SAMMSON: variants seen among roughly 807,000 people sequenced by gnomAD.
SAMMSON encodes long intergenic non-protein coding RNA 1212.
chr3:70,203,105 A>C (rs1701257534), intron 4 of SAMMSON, among the ~76,000 whole-genome samples: 1 of 152,100 alleles, frequency 6.6e-6, no homozygotes, highest in Admixed American at 6.6e-5. Context: ...CCTTATCCTA[A>C]GTGGCAAGAA....
At position 70,293,091 on chromosome 3, in the gene SAMMSON, G is replaced by T. The variant is rs187125507; in HGVS notation, n.739+1848G>T. On this transcript the variant is annotated intron_variant and non_coding_transcript_variant, in intron 7 of 9. Transcript: ENST00000642114. ...AAAAAAGTAGCATATTACATGACGAGAAGAAAGAAAATTCAGTATTCACCA... is the reference window on the plus strand; with the variant it reads ...AAAAAAGTAGCATATTACATGACGATAAGAAAGAAAATTCAGTATTCACCA... 1.9e-3 allele frequency among the ~76,000 whole-genome samples: 259 copies of T among 134,916 alleles called. 1 individual carries two copies. Among genetic ancestry groups the T allele is most frequent in the African/African-American group, 6.8e-3 (249 of 36,754 alleles). The allele number at this position is 134,916 out of a possible 152,430, so 88.5% of individuals were successfully genotyped here. A position where few individuals can be genotyped will look rare whatever the true frequency, so the allele number is the denominator to read the frequency against.
intron 3 of SAMMSON, among the ~76,000 whole-genome samples, chr3:70,022,205 A>G (rs566071511): frequency 6.6e-6 from 1 of 150,658 alleles, no homozygotes; most frequent in African/African-American, 2.4e-5. Context: ...CAGGGGATTC[A>G]AATGACAACG....
intron 4 of SAMMSON, among the ~76,000 whole-genome samples, chr3:70,187,442 T>C: frequency 7.2e-6 from 1 of 138,148 alleles, no homozygotes; most frequent in Non-Finnish European, 1.6e-5. Context: ...TTTTTTTTTT[T>C]TTTTTTTTTT....
chr3:70,403,611 C>A (rs1293929684), intron 2 of SAMMSON, among the ~76,000 whole-genome samples: 1 of 152,100 alleles, frequency 6.6e-6, no homozygotes, highest in African/African-American at 2.4e-5. Context: ...TTCTATGGCC[C>A]CTTTCACACT....
intron 9 of SAMMSON, among the ~76,000 whole-genome samples, chr3:70,360,233 C>T (rs1265572812): frequency 1.3e-5 from 2 of 152,054 alleles, no homozygotes; most frequent in Non-Finnish European, 2.9e-5. Flanking sequence ...CATTCTTATG[C>T]CTCATATGGA....
chr3:70,172,607 T>C (rs1352146719), intron 4 of SAMMSON: 1 of 151,880 alleles, frequency 6.6e-6, no homozygotes, highest in African/African-American at 2.4e-5. Context: ...TAGCTGCAAG[T>C]AAGAACACTC....
intron 4 of SAMMSON, among the ~76,000 whole-genome samples, chr3:70,159,327 C>T (rs1041185433): frequency 6.7e-6 from 1 of 149,692 alleles, no homozygotes; most frequent in Admixed American, 6.7e-5. Context: ...CCTCCCCCAT[C>T]CCCCCACCCC....
chr3:70,272,187 A>T (rs1701981975), intron 6 of SAMMSON: 1 of 152,190 alleles, frequency 6.6e-6, no homozygotes, highest in South Asian at 2.1e-4. Context: ...CCCATTCCAA[A>T]TGCATAGTGG....
intron 4 of SAMMSON, among the ~76,000 whole-genome samples, chr3:70,098,296 C>T (rs927496970): frequency 7.2e-5 from 11 of 152,184 alleles, no homozygotes; most frequent in Admixed American, 4.6e-4. Flanking sequence ...TCTCACACAT[C>T]TTGCCTCTCT....
intron 8 of SAMMSON, among the ~76,000 whole-genome samples, chr3:70,355,140 G>A (rs576098662): frequency 1.3e-5 from 2 of 152,230 alleles, no homozygotes; most frequent in Admixed American, 1.3e-4. Flanking sequence ...GGTCTCTTCT[G>A]AATTCATAGA....
At chr3:70,137,253 T>C (rs1436500018) in intron 4 of SAMMSON, among the ~76,000 whole-genome samples, 2 of 152,208 alleles carry the variant, frequency 1.3e-5, no homozygotes, top group Admixed American at 6.5e-5. Flanking sequence ...AGAGAAAGTA[T>C]GTATAGTACA....
At chr3:70,351,893 C>A (rs1026187744) in intron 7 of SAMMSON, among the ~76,000 whole-genome samples, 7 of 151,916 alleles carry the variant, frequency 4.6e-5, no homozygotes, top group African/African-American at 1.7e-4. Flanking sequence ...TGATTAGGTT[C>A]GTATTTAGTC....
At chr3:70,393,456 A>C (rs1413457951), downstream of SAMMSON, among the ~76,000 whole-genome samples, 1 of 152,218 alleles carries the variant, frequency 6.6e-6, no homozygotes, top group Admixed American at 6.5e-5. Flanking sequence ...AATTCATTCA[A>C]CGAGTGGTTT....
At chr3:70,162,634 A>G (rs1434822072) in intron 4 of SAMMSON, among the ~76,000 whole-genome samples, 1 of 151,874 alleles carries the variant, frequency 6.6e-6, no homozygotes, top group African/African-American at 2.4e-5. Context: ...TGCTCTCTAG[A>G]TGTATGATAG....
intron 7 of SAMMSON, among the ~76,000 whole-genome samples, chr3:70,309,781 T>C (rs778261710): frequency 5.9e-5 from 9 of 152,228 alleles, no homozygotes; most frequent in African/African-American, 9.6e-5. Context: ...TTATGAAATA[T>C]AGTAAACATA....
chr3:70,121,752 G>A (rs1053115879), intron 4 of SAMMSON, among the ~76,000 whole-genome samples: 10 of 152,174 alleles, frequency 6.6e-5, no homozygotes, highest in East Asian at 1.9e-4. Flanking sequence ...TGCCTTAGGC[G>A]TGAAGGAGAC....
chr3:70,169,813 G>A (rs1266100728), intron 4 of SAMMSON, among the ~76,000 whole-genome samples: 1 of 151,790 alleles, frequency 6.6e-6, no homozygotes, highest in African/African-American at 2.4e-5. Context: ...TAGGAACAGA[G>A]CACCGAGGGT....
chr3:70,339,511 A>G (rs895257711), intron 7 of SAMMSON, among the ~76,000 whole-genome samples: 2 of 152,200 alleles, frequency 1.3e-5, no homozygotes, highest in Admixed American at 6.5e-5. Flanking sequence ...CCATCTGACA[A>G]AGGGCTAATA....
intron 4 of SAMMSON, among the ~76,000 whole-genome samples, chr3:70,247,207 A>G (rs1289551020): frequency 1.3e-5 from 2 of 152,052 alleles, no homozygotes; most frequent in East Asian, 3.9e-4. Context: ...TTCAGACATA[A>G]TGGTAGTTTT....
Sources: allele counts gnomAD v4.1 joint callset (sites outside exome capture counted in the v4.1 genomes callset), GRCh38; gene constraint gnomAD v4.1.1; transcripts MANE v1.5; gene names NCBI Gene and HGNC (gene_info 2026-07-23, HGNC 2026-07-21).